The following LYST variants were observed in gnomAD, a reference collection of about 807,000 sequenced individuals.
The protein encoded by LYST is lysosomal-trafficking regulator.
LYST carries 192 observed loss-of-function variants against 413.6 expected under a neutral mutation model. That is an observed-to-expected ratio of 0.46 (90% CI 0.41 to 0.52). The LOEUF (loss-of-function observed/expected upper bound fraction) is 0.52, where lower values mean the gene tolerates loss of function less well. Ranked by LOEUF, LYST falls within the 20% of genes least tolerant of loss-of-function variation. The probability of loss-of-function intolerance (pLI) is 0.00; values close to 1 mark genes in which losing one functional copy is unlikely to be tolerated. For synonymous variants in LYST, 1,525 were observed against 1,567.3 expected, an observed-to-expected ratio of 0.97 and a Z score of 0.64; for missense variants, 3,815 against 4,499.9, an observed-to-expected ratio of 0.85 and a Z score of 4.35.
chr1:235,745,473 T>C (rs991568161), intron 29 of LYST, among the ~76,000 whole-genome samples: 5 of 152,268 alleles, frequency 3.3e-5, no homozygotes, highest in Admixed American at 2.0e-4. Context: ...ACACTGTTGA[T>C]GGAAATGTAA....
chr1:235,863,251 G>A (rs1680112725), intron 1 of LYST, among the ~76,000 whole-genome samples: 1 of 151,858 alleles, frequency 6.6e-6, no homozygotes, highest in Non-Finnish European at 1.5e-5. Context: ...AATCAGCCGG[G>A]TGTGGTGGCA....
intron 1 of LYST, among the ~76,000 whole-genome samples, chr1:235,857,291 C>T (rs1311358221): frequency 6.6e-6 from 1 of 152,000 alleles, no homozygotes; most frequent in Non-Finnish European, 1.5e-5. Context: ...GTGAATTGAG[C>T]CCTCAACTAG....
chr1:235,706,845 C>T (rs1007665692), intron 44 of LYST, among the ~76,000 whole-genome samples: 1 of 152,068 alleles, frequency 6.6e-6, no homozygotes, highest in Non-Finnish European at 1.5e-5. Flanking sequence ...TTCAGACGTA[C>T]TCAAAATAAT....
chr1:235,700,669 C>T (rs546955674), intron 45 of LYST, among the ~76,000 whole-genome samples: 15 of 152,216 alleles, frequency 9.9e-5, no homozygotes, highest in African/African-American at 9.6e-5. Flanking sequence ...AAAGTTTCAC[C>T]GTGGTTCAAA....
chr1:235,778,121 A>ATATATATATATATTTTTTTTTT (rs1039912155), intron 16 of LYST, among the ~76,000 whole-genome samples: 1 of 145,260 alleles, frequency 6.9e-6, no homozygotes, highest in African/African-American at 2.7e-5. Context: ...ATATATATAT[A>ATATATATATATATTTTTTTTTT]TTTTTGTAGA....
intron 22 of LYST, among the ~76,000 whole-genome samples, chr1:235,761,979 G>T (rs1257112743): frequency 8.0e-6 from 1 of 124,610 alleles, no homozygotes; most frequent in Non-Finnish European, 1.7e-5. Context: ...GTTGTCGGGT[G>T]GGGGGAGGGG....
intron 20 of LYST, among the ~76,000 whole-genome samples, chr1:235,768,633 C>G (rs1333701616): frequency 6.6e-6 from 1 of 151,910 alleles, no homozygotes; most frequent in Non-Finnish European, 1.5e-5. Flanking sequence ...TAGATTTTTT[C>G]TAGCATTTTT....
At chr1:235,783,868 T>C (rs964984235) in intron 14 of LYST, among the ~76,000 whole-genome samples, 6 of 141,914 alleles carry the variant, frequency 4.2e-5, no homozygotes, top group East Asian at 3.9e-4. Flanking sequence ...TGTATTCTTT[T>C]AGAAATTCTT....
At chr1:235,697,868 G>T (rs781763086) in intron 45 of LYST, among the ~76,000 whole-genome samples, 37 of 152,198 alleles carry the variant, frequency 2.4e-4, no homozygotes, top group Non-Finnish European at 7.4e-5. Flanking sequence ...AGATGAGAAA[G>T]AATTGTCAGT....
intron 1 of LYST, among the ~76,000 whole-genome samples, chr1:235,834,492 C>T (rs747940128): frequency 2.6e-5 from 4 of 152,152 alleles, no homozygotes; most frequent in Non-Finnish European, 4.4e-5. Context: ...CCCACCTCGG[C>T]CTCCCAAAGT....
chr1:235,832,855 T>C (rs1314302996), intron 2 of LYST, among the ~76,000 whole-genome samples: 1 of 152,094 alleles, frequency 6.6e-6, no homozygotes, highest in Non-Finnish European at 1.5e-5. Flanking sequence ...GCGCTTTATA[T>C]TTTTGCCATT....
At chr1:235,698,831 C>CA (rs1266564616) in intron 45 of LYST, among the ~76,000 whole-genome samples, 3 of 151,934 alleles carry the variant, frequency 2.0e-5, no homozygotes, top group Non-Finnish European at 4.4e-5. Flanking sequence ...CGAGATCACG[C>CA]CACTGCACTT....
chr1:235,693,123 T>C (rs145373322), intron 47 of LYST, among the ~76,000 whole-genome samples: 1 of 151,926 alleles, frequency 6.6e-6, no homozygotes, highest in South Asian at 2.1e-4. Flanking sequence ...AGACCATCCT[T>C]GCTAACACGA....
chr1:235,776,584 A>G (rs1455542353), intron 17 of LYST, among the ~76,000 whole-genome samples: 1 of 152,168 alleles, frequency 6.6e-6, no homozygotes, highest in Non-Finnish European at 1.5e-5. Context: ...TCTACTTTGC[A>G]TCAGGACAGA....
chr1:235,687,302 G>A (rs545628184), intron 47 of LYST, among the ~76,000 whole-genome samples: 19 of 152,092 alleles, frequency 1.2e-4, no homozygotes, highest in South Asian at 1.2e-3. Context: ...ATGTCTATAC[G>A]TGCCTGTGTG....
chr1:235,818,214 G>A (rs1334735293), intron 3 of LYST, among the ~76,000 whole-genome samples: 2 of 152,100 alleles, frequency 1.3e-5, no homozygotes, highest in East Asian at 1.9e-4. Context: ...AAGAGGGAGA[G>A]GGCTAGGAGA....
chr1:235,701,576 C>T lies in LYST; in HGVS notation c.10374+1171G>A, dbSNP rs6704381. Among the ~76,000 whole-genome samples the T allele has an allele frequency of 3.9e-5, 6 of 152,030 alleles. No individual in the cohort carries two copies. The South Asian group carries it at 8.3e-4, about 21-fold the overall frequency. The stretch of plus-strand genomic sequence containing the variant: ...CCGGGAGGCAGAGGTTGCAGTGAGC[C>T]GAGATTGTGCCACTGCACTCCAGCC... On this transcript the variant is annotated intron_variant, in intron 45 of 52. Coordinates refer to ENST00000389793, the MANE Select transcript of LYST (RefSeq NM_000081.4).
chr1:235,827,329 G>A (rs570763017), intron 3 of LYST: 10 of 554,180 alleles, frequency 1.8e-5, no homozygotes, highest in East Asian at 3.0e-4. Flanking sequence ...TGATTGTGCC[G>A]CTGCAGTCCA....
chr1:235,728,041 G>C (rs577171883), intron 38 of LYST, 35 bp downstream of exon 38: 2 of 1,506,104 alleles, frequency 1.3e-6, no homozygotes, highest in South Asian at 2.3e-5. Flanking sequence ...AATCTGTCTA[G>C]ATTTATGTAA....
Sources: gnomAD v4.1 joint callset for allele counts (sites outside exome capture counted in the v4.1 genomes callset) on GRCh38, gnomAD v4.1.1 for gene constraint, MANE v1.5 for transcripts, NCBI Gene and HGNC (gene_info 2026-07-23, HGNC 2026-07-21) for gene names.